Variants in POLK observed in about 807,000 individuals in gnomAD.
POLK encodes the protein polymerase (DNA directed) kappa.
In POLK, 76 loss-of-function variants were observed where a neutral mutation model predicts 94.0. The observed-to-expected ratio is 0.81, with a 90% CI of 0.67 to 0.98. The LOEUF (loss-of-function observed/expected upper bound fraction) is 0.98, where lower values mean the gene tolerates loss of function less well. Ranked by LOEUF, POLK falls within the 50% of genes least tolerant of loss-of-function variation. The pLI is 0.00. For synonymous variants in POLK, 349 were observed against 325.4 expected, an observed-to-expected ratio of 1.07 and a Z score of -0.78; for missense variants, 954 against 1,010.1, an observed-to-expected ratio of 0.94 and a Z score of 0.75.
At position 75,533,656 on chromosome 5, in the gene POLK, G is replaced by A. The variant is rs1020985091; in HGVS notation, c.-13-13354G>A. On this transcript the variant is annotated intron_variant, in intron 1 of 14. Coordinates refer to ENST00000241436, the Ensembl canonical transcript of POLK. Reference sequence around the variant, plus strand: ...TCCTTTGTAGTTTGATGGAAATAGCGCTGAATCTGTAATTTGCTTTGGGAG... The same window carrying A: ...TCCTTTGTAGTTTGATGGAAATAGCACTGAATCTGTAATTTGCTTTGGGAG... Among the ~76,000 whole-genome samples, 7 of 152,176 alleles carry A rather than the reference G, an allele frequency of 4.6e-5. 1 individual carries two copies. In the Middle Eastern group the frequency reaches 0.017, roughly 370 times the overall value.
chr5:75,524,040 G>T (rs1219781553), intron 1 of POLK, among the ~76,000 whole-genome samples: 1 of 151,784 alleles, frequency 6.6e-6, no homozygotes, highest in African/African-American at 2.4e-5. Context: ...TGAGGCAGGA[G>T]AATCACTTGA....
At chr5:75,555,710 G>A (rs1770587876) in intron 3 of POLK, among the ~76,000 whole-genome samples, 1 of 151,990 alleles carries the variant, frequency 6.6e-6, no homozygotes, top group Admixed American at 6.6e-5. Context: ...ACCATGCCCA[G>A]CTAATTTTTG....
chr5:75,525,529 TA>T (rs1432739999), intron 1 of POLK, among the ~76,000 whole-genome samples: 2 of 152,234 alleles, frequency 1.3e-5, no homozygotes, highest in South Asian at 4.1e-4. Context: ...GAAAGTCAGG[TA>T]CCTGTGGAAC....
At chr5:75,606,467 A>G in the POLK span, among the ~76,000 whole-genome samples, 1 of 73,282 alleles carries the variant, frequency 1.4e-5, no homozygotes, top group Non-Finnish European at 2.6e-5. Flanking sequence ...AACCTTGGAC[A>G]ATACCTGGCT....
intron 5 of POLK, among the ~76,000 whole-genome samples, chr5:75,575,444 G>A (rs5744647): frequency 0.026 from 3,897 of 152,260 alleles, 58 homozygotes; most frequent in Non-Finnish European, 0.04. Flanking sequence ...GCCTCCCAAA[G>A]TGCTGGGATT....
At chr5:75,532,164 G>A (rs567351699) in intron 1 of POLK, among the ~76,000 whole-genome samples, 8 of 152,154 alleles carry the variant, frequency 5.3e-5, no homozygotes, top group Non-Finnish European at 7.3e-5. Flanking sequence ...ATGCCATGGG[G>A]TATGGTGTAC....
At chr5:75,608,597 A>G in the POLK span, among the ~76,000 whole-genome samples, 45 of 152,366 alleles carry the variant, frequency 3.0e-4, no homozygotes, top group Admixed American at 7.2e-4. Context: ...TACAAAGGAA[A>G]GAGACAACAG....
intron 10 of POLK, 73 bp from the exon 11 acceptor site, chr5:75,590,271 A>ACCTG: frequency 1.5e-6 from 1 of 688,950 alleles, no homozygotes; most frequent in Non-Finnish European, 2.4e-6. Flanking sequence ...AGCCATATAA[A>ACCTG]CATGCATACC....
chr5:75,524,128 C>CAA (rs1281107158), intron 1 of POLK, among the ~76,000 whole-genome samples: 1 of 102,952 alleles, frequency 9.7e-6, no homozygotes, highest in Non-Finnish European at 2.0e-5. Flanking sequence ...GACTCCGTCT[C>CAA]AAAAAAAAAA....
At chr5:75,581,651 A>AG in intron 7 of POLK, 2 of 522,172 alleles carry the variant, frequency 3.8e-6, no homozygotes. Flanking sequence ...ATGAGCCTGA[A>AG]GGAAAAAAAA....
intron 1 of POLK, among the ~76,000 whole-genome samples, chr5:75,543,605 G>A (rs763054805): frequency 6.6e-6 from 1 of 152,158 alleles, no homozygotes. Context: ...TGGCAAACAG[G>A]TATTTTGACT....
At chr5:75,543,287 A>G (rs1769848032) in intron 1 of POLK, among the ~76,000 whole-genome samples, 1 of 152,002 alleles carries the variant, frequency 6.6e-6, no homozygotes, top group Non-Finnish European at 1.5e-5. Flanking sequence ...TGATCCACCC[A>G]CCTCGGCCTC....
intron 10 of POLK, 111 bp from the exon 11 acceptor site, chr5:75,590,232 TG>T: frequency 1.9e-6 from 1 of 515,168 alleles, no homozygotes; most frequent in Non-Finnish European, 3.4e-6. Context: ...AACTTTATTT[TG>T]TAATACAGAA....
intron 3 of POLK, among the ~76,000 whole-genome samples, chr5:75,556,997 A>C (rs1467191729): frequency 2.0e-5 from 3 of 152,132 alleles, no homozygotes; most frequent in Non-Finnish European, 4.4e-5. Context: ...TGGGAGGTGG[A>C]GGTGGCAGTG....
At chr5:75,600,460 A>T (rs1022959254) in exon 15 of POLK, 1 of 152,220 alleles carries the variant, frequency 6.6e-6, no homozygotes, top group Non-Finnish European at 1.5e-5. Context: ...TTTGCAGGTT[A>T]TCTTTCATTA....
At chr5:75,603,473 A>G (rs541743358), downstream of POLK, among the ~76,000 whole-genome samples, 3 of 151,942 alleles carry the variant, frequency 2.0e-5, no homozygotes, top group South Asian at 6.3e-4. Context: ...ACTGTCTCCA[A>G]GATTTAGCAG....
At chr5:75,605,118 T>TACACACACACACACAC (rs3842052), downstream of POLK, among the ~76,000 whole-genome samples, 7 of 146,738 alleles carry the variant, frequency 4.8e-5, no homozygotes, top group East Asian at 2.0e-4. Context: ...TGTATACACA[T>TACACACACACACACAC]ACACACACAC....
chr5:75,582,653 T>C (rs1772249981), intron 7 of POLK: 1 of 152,146 alleles, frequency 6.6e-6, no homozygotes, highest in African/African-American at 2.4e-5. Context: ...AGAACCACTA[T>C]AAAAACAATC....
At chr5:75,533,011 A>C (rs1358232052) in intron 1 of POLK, among the ~76,000 whole-genome samples, 1 of 152,184 alleles carries the variant, frequency 6.6e-6, no homozygotes, top group African/African-American at 2.4e-5. Context: ...CGTAGTTTGC[A>C]GAAATTTTCT....
Sources: allele counts gnomAD v4.1 joint callset (sites outside exome capture counted in the v4.1 genomes callset), GRCh38; gene constraint gnomAD v4.1.1; transcripts MANE v1.5; gene names NCBI Gene and HGNC (gene_info 2026-07-23, HGNC 2026-07-21).